The following FMN1 variants were observed in gnomAD, a reference collection of about 807,000 sequenced individuals.
FMN1 encodes the protein formin 1.
FMN1 carries 110 observed loss-of-function variants against 132.4 expected under a neutral mutation model. The ratio of observed to expected loss-of-function variants is 0.83; its 90% CI spans 0.71 to 0.97. FMN1 has a LOEUF of 0.97. Among genes scored for constraint, FMN1 ranks in the 50% least tolerant of loss-of-function variants. The pLI is 0.00. For missense variants in FMN1, 1,792 were observed against 1,705.3 expected (o/e 1.05, Z -0.90); for synonymous variants, 722 against 651.7 (o/e 1.11, Z -1.64).
intron 4 of FMN1, among the ~76,000 whole-genome samples, chr15:33,137,071 G>A (rs1232590671): frequency 5.6e-5 from 6 of 106,714 alleles, no homozygotes; most frequent in African/African-American, 1.9e-4. Flanking sequence ...CTGGGCGACA[G>A]AGCAAGACCC....
At chr15:33,092,009 A>G (rs1354303559) in intron 4 of FMN1, among the ~76,000 whole-genome samples, 1 of 152,154 alleles carries the variant, frequency 6.6e-6, no homozygotes, top group Non-Finnish European at 1.5e-5. Context: ...AGTATTAGTT[A>G]TTTTGTTCCT....
chr15:33,045,108 G>C (rs978935143), intron 6 of FMN1, among the ~76,000 whole-genome samples: 6 of 152,238 alleles, frequency 3.9e-5, no homozygotes, highest in African/African-American at 1.4e-4. Context: ...CTTCTCCCAA[G>C]ATTCCAGGTG....
intron 5 of FMN1, among the ~76,000 whole-genome samples, chr15:33,072,614 C>T (rs1165132677): frequency 6.6e-6 from 1 of 152,214 alleles, no homozygotes; most frequent in East Asian, 1.9e-4. Context: ...GCCAATTGTA[C>T]CCCATGGCAA....
chr15:32,810,981 G>A (rs899663067), intron 17 of FMN1: 1 of 456,262 alleles, frequency 2.2e-6, no homozygotes, highest in Non-Finnish European at 4.4e-6. Flanking sequence ...TCTGCTTCAC[G>A]TGGGATCCGT....
chr15:32,841,526 T>G (rs2058745413), intron 17 of FMN1, among the ~76,000 whole-genome samples: 1 of 152,328 alleles, frequency 6.6e-6, no homozygotes, highest in East Asian at 1.9e-4. Context: ...ACACATTCCA[T>G]CACTCCATCT....
At chr15:33,017,960 G>T (rs1331975431) in intron 6 of FMN1, among the ~76,000 whole-genome samples, 1 of 152,068 alleles carries the variant, frequency 6.6e-6, no homozygotes, top group Non-Finnish European at 1.5e-5. Context: ...AGCTACTCGG[G>T]GGGCAGAGGT....
chr15:33,191,307 G>C (rs1966071476), intron 2 of FMN1, among the ~76,000 whole-genome samples: 1 of 152,228 alleles, frequency 6.6e-6, no homozygotes, highest in Non-Finnish European at 1.5e-5. Context: ...AGAAGGAAGA[G>C]ATAGGCATAG....
At chr15:32,777,616 AAC>A (rs2056480748) in intron 19 of FMN1, among the ~76,000 whole-genome samples, 2 of 103,618 alleles carry the variant, frequency 1.9e-5, no homozygotes, top group Non-Finnish European at 4.0e-5. Flanking sequence ...CGTATAACAT[AAC>A]ACATTTATAT....
At chr15:32,782,816 C>A (rs548903876) in intron 19 of FMN1, among the ~76,000 whole-genome samples, 3 of 152,108 alleles carry the variant, frequency 2.0e-5, no homozygotes, top group Non-Finnish European at 4.4e-5. Context: ...AAATACTATG[C>A]AGTCATAAAA....
intron 4 of FMN1, among the ~76,000 whole-genome samples, chr15:33,127,427 G>A (rs1214688433): frequency 6.6e-6 from 1 of 152,152 alleles, no homozygotes. Context: ...CTATTTCCTT[G>A]AGTTAATGAG....
At chr15:32,993,871 C>G (rs1245182161) in intron 7 of FMN1, among the ~76,000 whole-genome samples, 1 of 149,354 alleles carries the variant, frequency 6.7e-6, no homozygotes, top group Non-Finnish European at 1.5e-5. Flanking sequence ...TCCTCTCTGC[C>G]CTCCTCAACT....
intron 20 of FMN1, among the ~76,000 whole-genome samples, chr15:32,775,869 G>T (rs528525884): frequency 2.0e-5 from 3 of 152,190 alleles, no homozygotes; most frequent in Admixed American, 6.5e-5. Context: ...GTAAGTAGTT[G>T]TTGGACATCA....
chr15:33,124,848 A>ATT (rs56689144), intron 4 of FMN1, among the ~76,000 whole-genome samples: 1 of 146,774 alleles, frequency 6.8e-6, no homozygotes, highest in African/African-American at 2.5e-5. Context: ...ATTTTTCTGC[A>ATT]TTTTTTTTTT....
At chr15:32,923,965 G>A (rs935470621) in intron 10 of FMN1, among the ~76,000 whole-genome samples, 17 of 131,244 alleles carry the variant, frequency 1.3e-4, no homozygotes, top group Non-Finnish European at 2.3e-4. Flanking sequence ...TGTCAAGACC[G>A]TTCTGTGATA....
At chr15:32,799,643 T>C (rs1218677675) in intron 18 of FMN1, among the ~76,000 whole-genome samples, 1 of 152,174 alleles carries the variant, frequency 6.6e-6, no homozygotes, top group Admixed American at 6.5e-5. Flanking sequence ...GGAAAAATGA[T>C]CTCCAGTCTG....
At chr15:32,859,578 G>A (rs1205286699) in intron 16 of FMN1, among the ~76,000 whole-genome samples, 1 of 152,148 alleles carries the variant, frequency 6.6e-6, no homozygotes, top group Non-Finnish European at 1.5e-5. Context: ...CAATGTTTTT[G>A]CATCTTTCAA....
chr15:33,125,861 G>A (rs772421626), intron 4 of FMN1, among the ~76,000 whole-genome samples: 5 of 152,144 alleles, frequency 3.3e-5, no homozygotes, highest in Non-Finnish European at 7.3e-5. Context: ...ATCTCTAAAT[G>A]TTTAACTTCT....
chr15:33,156,365 C>T (rs1466405678), intron 3 of FMN1, among the ~76,000 whole-genome samples: 5 of 146,192 alleles, frequency 3.4e-5, no homozygotes, highest in Admixed American at 6.9e-5. Flanking sequence ...ACTGCCGTCT[C>T]AACATCCTAG....
chr15:32,933,926 C>T (rs1459126711), intron 9 of FMN1, among the ~76,000 whole-genome samples: 1 of 152,024 alleles, frequency 6.6e-6, no homozygotes, highest in East Asian at 1.9e-4. Context: ...TTTTTTTATC[C>T]ATTTAGCAAT....
Sources: gnomAD v4.1 joint callset for allele counts (sites outside exome capture counted in the v4.1 genomes callset) on GRCh38, gnomAD v4.1.1 for gene constraint, MANE v1.5 for transcripts, NCBI Gene and HGNC (gene_info 2026-07-23, HGNC 2026-07-21) for gene names.